The following ZNF608 variants were observed in gnomAD, a reference collection of about 807,000 sequenced individuals.
ZNF608 encodes zinc finger protein 608.
ZNF608 carries 12 observed loss-of-function variants against 109.0 expected under a neutral mutation model. The ratio of observed to expected loss-of-function variants is 0.11; its 90% CI spans 0.07 to 0.18. The LOEUF is 0.18. ZNF608 is among the 10% of genes least tolerant of loss of function. ZNF608 has a pLI of 1.00. For missense variants in ZNF608, 1,707 were observed against 1,879.3 expected, an observed-to-expected ratio of 0.91 and a Z score of 1.70; for synonymous variants, 732 against 717.4, an observed-to-expected ratio of 1.02 and a Z score of -0.33.
At chr5:124,663,708 C>T (rs1007253779) in intron 3 of ZNF608, among the ~76,000 whole-genome samples, 4 of 152,130 alleles carry the variant, frequency 2.6e-5, no homozygotes, top group Non-Finnish European at 4.4e-5. Flanking sequence ...TTTCCCAAAC[C>T]GGTGAGCAGA....
chr5:124,646,256 G>C (rs1356328210), intron 5 of ZNF608, among the ~76,000 whole-genome samples: 1 of 152,176 alleles, frequency 6.6e-6, no homozygotes, highest in Non-Finnish European at 1.5e-5. Context: ...AGCTACTCAG[G>C]AGGCTGACGC....
In ZNF608 at chr5:124,689,484, GAGAC is replaced by G. The variant is rs778370925; in HGVS notation, c.1162+11526_1162+11529del. Among the ~76,000 whole-genome samples the G allele has an allele frequency of 1.2e-3, 168 of 136,256 alleles. 2 individuals are homozygous for G. The highest frequency in any genetic ancestry group is 1.3e-3 in the African/African-American group (50 of 37,356). The allele number at this position is 136,256 out of a possible 152,430, so 89.4% of individuals were successfully genotyped here. On this transcript the variant is annotated intron_variant, in intron 3 of 9. Coordinates refer to ENST00000513986, the MANE Select transcript of ZNF608 (RefSeq NM_020747.3). ...TGTCCCTCAAAAAAAAAAAAAGAGA[GAGAC>G]AGAGAGAGAAAGAACTGAAGAACTA...
intron 3 of ZNF608, among the ~76,000 whole-genome samples, chr5:124,676,050 A>T (rs1283851209): frequency 6.6e-6 from 1 of 152,196 alleles, no homozygotes; most frequent in African/African-American, 2.4e-5. Flanking sequence ...GCAGAAGTAG[A>T]GATGTAGCAT....
intron 2 of ZNF608, among the ~76,000 whole-genome samples, chr5:124,741,785 T>C (rs1030945451): frequency 6.6e-6 from 1 of 152,166 alleles, no homozygotes; most frequent in Non-Finnish European, 1.5e-5. Flanking sequence ...GTGCCAAGGA[T>C]GAAAGCATTC....
intron 3 of ZNF608, among the ~76,000 whole-genome samples, chr5:124,673,941 T>A (rs1189147190): frequency 6.6e-6 from 1 of 152,224 alleles, no homozygotes; most frequent in African/African-American, 2.4e-5. Flanking sequence ...AATTTTTTTT[T>A]AATTATTCAA....
chr5:124,648,568 C>T lies in ZNF608; in HGVS notation c.1816G>A (p.Ala606Thr), dbSNP rs1463169212. 3 of 1,614,220 alleles carry T rather than the reference C, an allele frequency of 1.9e-6. No individual in the cohort carries two copies. The highest frequency in any genetic ancestry group is 2.5e-6 in the Non-Finnish European group (3 of 1,180,046). Residue 606 changes from alanine (A) to threonine (T), a missense_variant, in exon 5 of 10, where the codon GCA (alanine) becomes ACA (threonine). Physicochemically the swap from Ala to Thr is moderately conservative, Grantham distance 58 (BLOSUM62 0). This residue lies in a region of ZNF608 where 1,073 missense variants were observed against 1,133.5 expected (regional missense o/e 0.95). Coordinates refer to ENST00000513986, the MANE Select transcript of ZNF608 (RefSeq NM_020747.3). ...SDCEEGLSNV[A>T]LECSEPSTSV... is the part of the protein sequence containing the mutation. ...GTGCTTGGCTCACTGCATTCAAGTGCCACATTACTCAATCCTTCCTCACAG... is the reference window on the plus strand; with the variant it reads ...GTGCTTGGCTCACTGCATTCAAGTGTCACATTACTCAATCCTTCCTCACAG...
At chr5:124,732,216 A>T (rs1316264684) in intron 2 of ZNF608, among the ~76,000 whole-genome samples, 2 of 152,204 alleles carry the variant, frequency 1.3e-5, no homozygotes, top group Non-Finnish European at 2.9e-5. Context: ...AGTTCAATGT[A>T]TCAAATATGC....
chr5:124,748,170 T>G (rs1360724406), upstream of ZNF608, among the ~76,000 whole-genome samples: 1 of 152,124 alleles, frequency 6.6e-6, no homozygotes, highest in African/African-American at 2.4e-5. Context: ...CCCATTTTCC[T>G]GGATCGCTTT....
chr5:124,637,990 GC>G, intron 9 of ZNF608, 84 bp from the exon 10 acceptor site: 2 of 1,514,402 alleles, frequency 1.3e-6, no homozygotes, highest in Admixed American at 1.7e-5. Flanking sequence ...TGCTCTTGTT[GC>G]CCAGGCTAGA....
At chr5:124,716,726 A>C (rs931073116) in intron 2 of ZNF608, among the ~76,000 whole-genome samples, 6 of 152,158 alleles carry the variant, frequency 3.9e-5, no homozygotes, top group African/African-American at 1.4e-4. Flanking sequence ...TTAAACTTTA[A>C]TAAGTTATTA....
chr5:124,680,972 A>G (rs997748319), intron 3 of ZNF608, among the ~76,000 whole-genome samples: 1 of 152,244 alleles, frequency 6.6e-6, no homozygotes, highest in African/African-American at 2.4e-5. Context: ...GAGTTTTGAA[A>G]AAGAAGGAGA....
chr5:124,703,834 A>G (rs1295891380), intron 2 of ZNF608, among the ~76,000 whole-genome samples: 1 of 152,142 alleles, frequency 6.6e-6, no homozygotes, highest in East Asian at 1.9e-4. Context: ...GACATATCCT[A>G]TCACAACAGC....
chr5:124,643,949 T>C (rs1316028910), intron 6 of ZNF608, among the ~76,000 whole-genome samples: 16 of 152,210 alleles, frequency 1.1e-4, no homozygotes, highest in Non-Finnish European at 1.2e-4. Context: ...AAAGGAATAG[T>C]AACTATAATG....
intron 2 of ZNF608, among the ~76,000 whole-genome samples, chr5:124,720,324 T>C (rs538693559): frequency 1.3e-5 from 2 of 152,208 alleles, no homozygotes; most frequent in African/African-American, 2.4e-5. Context: ...GGTGTCATCA[T>C]CTTCTTTTAT....
Position 124,744,806 on chromosome 5 carries a change from AGTTGCTG to A in ZNF608, c.177_183del (p.Ser60ProfsTer18). On this transcript the variant is annotated frameshift_variant, in exon 2 of 10. Coordinates refer to ENST00000513986, the MANE Select transcript of ZNF608 (RefSeq NM_020747.3). LOFTEE classifies it high-confidence loss of function. The surrounding 1 kb of genome is among the most constrained non-coding windows in gnomAD (Gnocchi z 4.5). ...GAGGCCGGACCTCCACAATCCTTGG[AGTTGCTG>A]CTACTAGTGGTGGTGGTGGAATTAT... 6.2e-7 allele frequency: 1 copy of A among 1,614,172 alleles called. No individual in the cohort carries two copies. The highest frequency in any genetic ancestry group is 8.5e-7 in the Non-Finnish European group (1 of 1,180,012).
intron 5 of ZNF608, among the ~76,000 whole-genome samples, chr5:124,645,727 T>A (rs1468452783): frequency 6.6e-6 from 1 of 152,108 alleles, no homozygotes; most frequent in African/African-American, 2.4e-5. Context: ...GACTGACCCA[T>A]GGGGCTCTGG....
At chr5:124,657,443 C>T (rs968447381) in intron 3 of ZNF608, among the ~76,000 whole-genome samples, 1 of 152,140 alleles carries the variant, frequency 6.6e-6, no homozygotes, top group African/African-American at 2.4e-5. Context: ...GGGTGGCTCA[C>T]GAGGTCAGGA....
intron 2 of ZNF608, among the ~76,000 whole-genome samples, chr5:124,713,434 G>A (rs968596007): frequency 6.6e-5 from 10 of 152,210 alleles, no homozygotes; most frequent in Admixed American, 2.0e-4. Context: ...TGCAGTCAAT[G>A]TAATGACAGC....
intron 2 of ZNF608, among the ~76,000 whole-genome samples, chr5:124,736,870 C>G (rs576898125): frequency 1.3e-5 from 2 of 152,308 alleles, no homozygotes; most frequent in Admixed American, 1.3e-4. Context: ...AAACATACTA[C>G]TAACACTTTT....
Sources: gnomAD v4.1 joint callset for allele counts (sites outside exome capture counted in the v4.1 genomes callset) on GRCh38, gnomAD v4.1.1 for gene constraint, gnomAD v4.1.1 regional missense constraint, Gnocchi (gnomAD v3.1) non-coding constraint, MANE v1.5 for transcripts, NCBI Gene and HGNC (gene_info 2026-07-23, HGNC 2026-07-21) for gene names.